AK8: variants seen among roughly 807,000 people sequenced by gnomAD.
AK8 encodes ATP-AMP transphosphorylase 8.
Under a neutral mutation model 54.6 loss-of-function variants are expected in AK8, and 44 were observed. The ratio of observed to expected loss-of-function variants is 0.81; its 90% CI spans 0.63 to 1.04. AK8 has a LOEUF of 1.04. AK8 is among the 50% of genes least tolerant of loss of function. AK8 has a pLI of 0.00. For missense variants in AK8, 555 were observed against 613.6 expected (o/e 0.90, Z 1.01); for synonymous variants, 239 against 245.6 (o/e 0.97, Z 0.25).
rs980695343 is a variant in AK8 at position 132,799,548 on chromosome 9, C to T, written c.980-6773G>A. On this transcript the variant is annotated intron_variant, in intron 10 of 12. Coordinates refer to ENST00000298545, the MANE Select transcript of AK8 (RefSeq NM_152572.3). This position sits in a 1 kb window ranked among gnomAD's most constrained non-coding sequence, Gnocchi z 5.0. Reference sequence around the variant, plus strand: ...ACACGACACCTGACACACTACAACACACACAGGCACGCACACACACAGACA... The same window carrying T: ...ACACGACACCTGACACACTACAACATACACAGGCACGCACACACACAGACA... Among the ~76,000 whole-genome samples the T allele has an allele frequency of 1.3e-5, 2 of 151,910 alleles. No individual in the cohort carries two copies. Among genetic ancestry groups the T allele is most frequent in the Admixed American group, 6.6e-5 (1 of 15,246 alleles).
intron 5 of AK8, among the ~76,000 whole-genome samples, chr9:132,842,728 G>A (rs1199356039): frequency 6.6e-6 from 1 of 152,244 alleles, no homozygotes; most frequent in Non-Finnish European, 1.5e-5. Context: ...TGCAGTCAAG[G>A]TGTTGACCAG....
intron 10 of AK8, among the ~76,000 whole-genome samples, chr9:132,805,320 C>G (rs1025878322): frequency 2.4e-4 from 36 of 152,326 alleles, no homozygotes; most frequent in Non-Finnish European, 1.8e-4. Flanking sequence ...TGATACACAG[C>G]AACACTTGAC....
chr9:132,796,276 A>T (rs1023434438), intron 10 of AK8, among the ~76,000 whole-genome samples: 3 of 152,348 alleles, frequency 2.0e-5, no homozygotes, highest in Middle Eastern at 3.4e-3. Flanking sequence ...AAGTTTCTCA[A>T]CTGAGGAGAA....
chr9:132,811,777 T>TAAG (rs1352313874), intron 10 of AK8, among the ~76,000 whole-genome samples: 1 of 152,220 alleles, frequency 6.6e-6, no homozygotes, highest in African/African-American at 2.4e-5. Flanking sequence ...GGTATCCTAA[T>TAAG]AAGATCACCA....
At chr9:132,754,362 T>C (rs1339406255) in intron 11 of AK8, among the ~76,000 whole-genome samples, 1 of 152,136 alleles carries the variant, frequency 6.6e-6, no homozygotes, top group African/African-American at 2.4e-5. Flanking sequence ...CATATTGCAG[T>C]GTGAGCCCGA....
intron 11 of AK8, among the ~76,000 whole-genome samples, chr9:132,754,799 G>GTT (rs202163458): frequency 6.2e-5 from 9 of 144,030 alleles, no homozygotes; most frequent in African/African-American, 2.1e-4. Flanking sequence ...TTTGTTTTTT[G>GTT]GTTTTTTTTT....
At chr9:132,757,720 C>T (rs543684544) in intron 11 of AK8, among the ~76,000 whole-genome samples, 9 of 152,202 alleles carry the variant, frequency 5.9e-5, no homozygotes, top group South Asian at 4.1e-4. Flanking sequence ...GCCAGCCCCC[C>T]GAAACACTAA....
intron 5 of AK8, among the ~76,000 whole-genome samples, chr9:132,842,406 T>C (rs1297592118): frequency 6.6e-6 from 1 of 152,158 alleles, no homozygotes; most frequent in East Asian, 1.9e-4. Flanking sequence ...ACATGAAAGA[T>C]CTTGCATTCC....
chr9:132,848,115 CAAAAAAAAAA>C lies in AK8; in HGVS notation c.402+6732_402+6741del, dbSNP rs796764891. On this transcript the variant is annotated intron_variant, in intron 5 of 12. Transcript: ENST00000298545. The stretch of plus-strand genomic sequence containing the variant: ...TGGGCAACAGAGCAACACCCTGTTT[CAAAAAAAAAA>C]AAAAAAAAAAAAAAAAAAGATTGAA... Among the ~76,000 whole-genome samples, 406 of 52,550 alleles carry C rather than the reference CAAAAAAAAAA, an allele frequency of 7.7e-3. 7 individuals carry two copies. The highest frequency in any genetic ancestry group is 0.028 in the African/African-American group (383 of 13,860). 34.5% of individuals were successfully genotyped at this position (52,550 alleles called of 152,430 possible). A position where few individuals can be genotyped will look rare whatever the true frequency, so the allele number is the denominator to read the frequency against.
intron 1 of AK8, among the ~76,000 whole-genome samples, chr9:132,875,498 C>T (rs991274685): frequency 1.3e-5 from 2 of 152,204 alleles, no homozygotes; most frequent in East Asian, 1.9e-4. Flanking sequence ...GCTTCCCAGA[C>T]CAGCCTTCTC....
In AK8 at chr9:132,770,949, G is replaced by A. The variant is rs1838950426; in HGVS notation, c.1121+21685C>T. Among the ~76,000 whole-genome samples, 1 of 152,156 alleles carries A rather than the reference G, an allele frequency of 6.6e-6. No individual in the cohort carries two copies. Among genetic ancestry groups the A allele is most frequent in the Non-Finnish European group, 1.5e-5 (1 of 68,000 alleles). The stretch of plus-strand genomic sequence containing the variant: ...GGAGCAGCTGGTGGCCTCGGCAAAC[G>A]CAGCACAGGAGATGGGAGGGTCTGG... On this transcript the variant is annotated intron_variant, in intron 11 of 12. Transcript: ENST00000298545. The surrounding 1 kb of genome is among the most constrained non-coding windows in gnomAD (Gnocchi z 4.3).
Position 132,746,630 on chromosome 9 carries a change from C to T in AK8, c.1122-19096G>A, listed in dbSNP as rs1325044538. ...ATCCATCACTTTCCTCTTCCACAAA[C>T]GCACATGACAGTCGGGGTTGGCTTC... is the stretch of plus-strand genomic sequence containing the variant. On this transcript the variant is annotated intron_variant, in intron 11 of 12. Coordinates refer to ENST00000298545, the MANE Select transcript of AK8 (RefSeq NM_152572.3). Among the ~76,000 whole-genome samples the T allele has an allele frequency of 3.3e-5, 5 of 152,340 alleles. No homozygotes were observed. In the East Asian group the frequency reaches 5.8e-4, roughly 18 times the overall value.
intron 11 of AK8, among the ~76,000 whole-genome samples, chr9:132,738,066 T>G (rs972337094): frequency 8.9e-4 from 135 of 152,196 alleles, no homozygotes; most frequent in Non-Finnish European, 1.4e-3. Context: ...ACTTTTTTTT[T>G]TTTTTGAGAC....
At chr9:132,794,244 G>A (rs1221647050) in intron 10 of AK8, among the ~76,000 whole-genome samples, 3 of 152,156 alleles carry the variant, frequency 2.0e-5, no homozygotes, top group East Asian at 1.9e-4. Context: ...TCACTTCAGC[G>A]AATCCCATCC....
chr9:132,811,830 A>G lies in AK8; in HGVS notation c.979+2808T>C, dbSNP rs144401741. 6.9e-3 allele frequency among the ~76,000 whole-genome samples: 1,053 copies of G among 152,290 alleles called. 13 individuals carry two copies. The highest frequency in any genetic ancestry group is 0.024 in the Middle Eastern group (7 of 294). Reference sequence around the variant, plus strand: ...AAGAGTGTGCATTTTAGTATTATTGAAGGACTGCAAATCTGGAAACCACCA... The same window carrying G: ...AAGAGTGTGCATTTTAGTATTATTGGAGGACTGCAAATCTGGAAACCACCA... On this transcript the variant is annotated intron_variant, in intron 10 of 12. Transcript: ENST00000298545.
At chr9:132,786,377 TA>T (rs1839707314) in intron 11 of AK8, among the ~76,000 whole-genome samples, 1 of 152,196 alleles carries the variant, frequency 6.6e-6, no homozygotes, top group Non-Finnish European at 1.5e-5. Context: ...AGCCTGAGTC[TA>T]TGGTAAACAC....
rs554863293 is a variant in AK8 at position 132,838,052 on chromosome 9, A to G, written c.403-9326T>C. 3.9e-5 allele frequency among the ~76,000 whole-genome samples: 6 copies of G among 152,370 alleles called. No homozygotes were observed. In the East Asian group the frequency reaches 9.6e-4, roughly 24 times the overall value. On this transcript the variant is annotated intron_variant, in intron 5 of 12. Coordinates refer to ENST00000298545, the MANE Select transcript of AK8 (RefSeq NM_152572.3). The stretch of plus-strand genomic sequence containing the variant: ...CCGTGAGTGTCAAAACAATGGCAAG[A>G]AAATCCTGTGTTCCTACTGTCAGTG...
chr9:132,852,769 CAAAAAAAAAAA>C (rs35786801), intron 5 of AK8, among the ~76,000 whole-genome samples: 13 of 16,420 alleles, frequency 7.9e-4, no homozygotes, highest in Non-Finnish European at 1.4e-3. Flanking sequence ...GATTAGGTCT[CAAAAAAAAAAA>C]AAAAAAAAAA....
intron 10 of AK8, among the ~76,000 whole-genome samples, chr9:132,813,278 C>T (rs1178994905): frequency 2.0e-5 from 3 of 152,208 alleles, no homozygotes; most frequent in South Asian, 2.1e-4. Flanking sequence ...CTCCACCCCG[C>T]GGACTAGGAC....
Sources: allele counts gnomAD v4.1 joint callset (sites outside exome capture counted in the v4.1 genomes callset), GRCh38; gene constraint gnomAD v4.1.1; non-coding constraint Gnocchi (gnomAD v3.1); transcripts MANE v1.5; gene names NCBI Gene and HGNC (gene_info 2026-07-23, HGNC 2026-07-21).